NLRP11: variants seen among roughly 807,000 people sequenced by gnomAD.
NLRP11 encodes NLR family pyrin domain containing 11, also known as NACHT, LRR and PYD domains-containing protein 11.
A neutral mutation model predicts 79.3 loss-of-function variants in NLRP11; 53 were observed. That is an observed-to-expected ratio of 0.67 (90% CI 0.54 to 0.84). The LOEUF is 0.84. NLRP11 is among the 40% of genes least tolerant of loss of function. NLRP11 has a pLI of 0.00. For missense variants in NLRP11, 1,264 were observed against 1,255.0 expected (o/e 1.01, Z -0.11); for synonymous variants, 518 against 462.6 (o/e 1.12, Z -1.54).
Position 55,809,104 on chromosome 19 carries a change from G to A in NLRP11, c.1506C>T (p.Asn502=), listed in dbSNP as rs1364460388. ...AGGATGTCTCAAGAATCTTTCTCCT[G>A]TTTGCATTTAGAAGACCAAAAATGA... Residue 502 remains asparagine, a synonymous_variant, in exon 3 of 10, where the codon AAC becomes AAT. Transcript: ENST00000589093. The surrounding 1 kb of genome is among the most constrained non-coding windows in gnomAD (Gnocchi z 4.5). 5.6e-6 allele frequency: 9 copies of A among 1,613,672 alleles called. No homozygotes were observed. The highest frequency in any genetic ancestry group is 2.7e-5 in the African/African-American group (2 of 74,874).
intron 3 of NLRP11, 86 bp downstream of exon 3, chr19:55,808,683 G>A: frequency 1.6e-6 from 2 of 1,260,386 alleles, no homozygotes; most frequent in Non-Finnish European, 2.2e-6. Context: ...ATGGCCCCGA[G>A]TTTGTCTTGT....
exon 10 of NLRP11, chr19:55,785,474 GTGGTTGAC>G: frequency 1.5e-6 from 1 of 678,412 alleles, no homozygotes; most frequent in Non-Finnish European, 2.5e-6. Context: ...GGAATTTGAA[GTGGTTGAC>G]TGGATCAAGG....
chr19:55,821,603 C>A (rs146428191), intron 1 of NLRP11, among the ~76,000 whole-genome samples: 1 of 152,318 alleles, frequency 6.6e-6, no homozygotes, highest in African/African-American at 2.4e-5. Context: ...TACCTTGCAG[C>A]AGGCAAACCC....
At chr19:55,816,360 C>T (rs7251992) in intron 2 of NLRP11, among the ~76,000 whole-genome samples, 34,014 of 152,082 alleles carry the variant, frequency 0.22, 5,830 homozygotes, top group African/African-American at 0.48. Context: ...GCATCCAACA[C>T]TGGAGTCCTC....
chr19:55,795,086 TTACA>T (rs1978697008), intron 6 of NLRP11, among the ~76,000 whole-genome samples: 1 of 152,162 alleles, frequency 6.6e-6, no homozygotes, highest in Non-Finnish European at 1.5e-5. Context: ...TGACCATGTT[TTACA>T]GATCTCCGCC....
chr19:55,798,232 A>T (rs897430433), intron 5 of NLRP11: 7 of 650,952 alleles, frequency 1.1e-5, no homozygotes, highest in Non-Finnish European at 1.1e-5. Flanking sequence ...GCCTTACCTC[A>T]GGTGATCTGC....
At chr19:55,791,815 C>T (rs545432325) in intron 7 of NLRP11, among the ~76,000 whole-genome samples, 1 of 152,262 alleles carries the variant, frequency 6.6e-6, no homozygotes, top group African/African-American at 2.4e-5. Context: ...GAGGCCATTG[C>T]ATCATGCCTA....
exon 3 of NLRP11, chr19:55,808,797 T>C: frequency 6.2e-7 from 1 of 1,610,172 alleles, no homozygotes; most frequent in South Asian, 1.1e-5. Flanking sequence ...AGTGGCTCTT[T>C]GTTTTGAAAG....
intron 4 of NLRP11, among the ~76,000 whole-genome samples, chr19:55,803,050 T>C (rs1429781999): frequency 6.6e-6 from 1 of 151,908 alleles, no homozygotes; most frequent in African/African-American, 2.4e-5. Context: ...AGTGCAAAAC[T>C]ATTAAAAACT....
At chr19:55,799,248 C>T (rs1600181184) in intron 5 of NLRP11, among the ~76,000 whole-genome samples, 1 of 151,788 alleles carries the variant, frequency 6.6e-6, no homozygotes, top group East Asian at 1.9e-4. Flanking sequence ...GCCTAGGTGA[C>T]AGCAAGACTT....
chr19:55,801,564 C>A lies in NLRP11; in HGVS notation c.2171+8G>T, dbSNP rs775967420. On this transcript the variant is annotated splice_region_variant and intron_variant, in intron 5 of 9. Coordinates refer to ENST00000589093, the Ensembl canonical transcript of NLRP11. ...ATGCACTGAGCTTTCAGCCGAGCAA[C>A]AACTCACCTCAGATGACTTATTTGG... The A allele has an allele frequency of 5.0e-6, 8 of 1,613,366 alleles. No individual in the cohort carries two copies. Among genetic ancestry groups the A allele is most frequent in the Admixed American group, 3.3e-5 (2 of 59,990 alleles).
intron 2 of NLRP11, among the ~76,000 whole-genome samples, chr19:55,813,162 T>C (rs1182327217): frequency 1.3e-5 from 2 of 152,120 alleles, no homozygotes; most frequent in Non-Finnish European, 2.9e-5. Context: ...ACCCCATCTC[T>C]ACTAAAAATA....
chr19:55,795,871 T>C (rs1477814199), intron 6 of NLRP11, among the ~76,000 whole-genome samples: 1 of 152,182 alleles, frequency 6.6e-6, no homozygotes, highest in Non-Finnish European at 1.5e-5. Flanking sequence ...GAAATACAAG[T>C]TGAAAAAAAA....
At chr19:55,797,290 C>T (rs977989433) in intron 5 of NLRP11, among the ~76,000 whole-genome samples, 13 of 150,548 alleles carry the variant, frequency 8.6e-5, no homozygotes, top group East Asian at 2.0e-4. Flanking sequence ...CTGAGCAAGA[C>T]GCATCTCTAA....
chr19:55,819,755 C>T (rs554839588), intron 1 of NLRP11, among the ~76,000 whole-genome samples: 8 of 152,236 alleles, frequency 5.3e-5, no homozygotes, highest in East Asian at 1.9e-4. Context: ...GATACTCAAC[C>T]GTAACTAGGT....
At position 55,792,414 on chromosome 19, in the gene NLRP11, C is replaced by CAG; in HGVS notation, c.2398_2399dup (p.Phe801CysfsTer6). On this transcript the variant is annotated frameshift_variant, in exon 7 of 10. Transcript: ENST00000589093. LOFTEE classifies it high-confidence loss of function. ...CTAGTTGTCTTAGAGTTGGGCTGAA[C>CAG]AGAAGCACTCTTCCAAGGGCGCTGC... is the stretch of plus-strand genomic sequence containing the variant. 1 of 1,614,140 alleles carries CAG rather than the reference C, an allele frequency of 6.2e-7. No individual in the cohort carries two copies. The highest frequency in any genetic ancestry group is 8.5e-7 in the Non-Finnish European group (1 of 1,179,968).
chr19:55,810,420 G>T, intron 2 of NLRP11, 82 bp from the exon 3 acceptor site: 6 of 1,278,360 alleles, frequency 4.7e-6, no homozygotes, highest in South Asian at 1.5e-5. Context: ...TTCTTTTCAT[G>T]TTTACAGTAA....
chr19:55,791,203 A>T (rs964756207), intron 7 of NLRP11, among the ~76,000 whole-genome samples: 1 of 152,318 alleles, frequency 6.6e-6, no homozygotes, highest in South Asian at 2.1e-4. Flanking sequence ...AGCCTGTTAT[A>T]GAAAAAGGTT....
At position 55,809,578 on chromosome 19, in the gene NLRP11, G is replaced by T. The variant is rs750014205; in HGVS notation, c.1032C>A (p.Ile344=). ...TCTGCCGCTTCAGGACAGTACACGT[G>T]ATCCAGCATAAGATGGCGACTCGGC... The change falls in exon 3 of 10, where the codon ATC becomes ATA. Residue 344 remains isoleucine (I), a synonymous_variant. Transcript: ENST00000589093. The surrounding 1 kb of genome is among the most constrained non-coding windows in gnomAD (Gnocchi z 4.5). 2.5e-6 allele frequency: 4 copies of T among 1,614,208 alleles called. No individual in the cohort carries two copies. In the Admixed American group the frequency reaches 6.7e-5, roughly 27 times the overall value.
Sources: allele counts gnomAD v4.1 joint callset (sites outside exome capture counted in the v4.1 genomes callset), GRCh38; gene constraint gnomAD v4.1.1; non-coding constraint Gnocchi (gnomAD v3.1); transcripts MANE v1.5; gene names NCBI Gene and HGNC (gene_info 2026-07-23, HGNC 2026-07-21).